LINGO2: variants seen among roughly 807,000 people sequenced by gnomAD.
The protein encoded by LINGO2 is leucine rich repeat and Ig domain containing 2.
Under a neutral mutation model 30.6 loss-of-function variants are expected in LINGO2, and 14 were observed. The observed-to-expected ratio is 0.46, with a 90% CI of 0.30 to 0.72. The LOEUF is 0.72. Ranked by LOEUF, LINGO2 falls within the 30% of genes least tolerant of loss-of-function variation. The probability of loss-of-function intolerance (pLI) is 0.07; values close to 1 mark genes in which losing one functional copy is unlikely to be tolerated. For synonymous variants in LINGO2, 317 were observed against 288.5 expected (o/e 1.10, Z -1.00); for missense variants, 729 against 751.7 (o/e 0.97, Z 0.35).
the LINGO2 span, among the ~76,000 whole-genome samples, chr9:29,008,345 G>A: frequency 6.6e-6 from 1 of 152,104 alleles, no homozygotes; most frequent in Non-Finnish European, 1.5e-5. Context: ...ATTTGGGTTG[G>A]ATCCAAGTCT....
chr9:29,199,474 C>T, the LINGO2 span, among the ~76,000 whole-genome samples: 1 of 152,092 alleles, frequency 6.6e-6, no homozygotes, highest in Non-Finnish European at 1.5e-5. Context: ...TCAAGTCACA[C>T]TTCACCTTTA....
chr9:28,384,062 TATAA>T (rs1821468702), intron 2 of LINGO2, among the ~76,000 whole-genome samples: 2 of 152,012 alleles, frequency 1.3e-5, no homozygotes, highest in Non-Finnish European at 2.9e-5. Flanking sequence ...TGTGAACATC[TATAA>T]ATATTATATT....
chr9:28,253,216 G>A (rs1226090316), intron 4 of LINGO2, among the ~76,000 whole-genome samples: 1 of 152,090 alleles, frequency 6.6e-6, no homozygotes, highest in African/African-American at 2.4e-5. Context: ...TCTTTTATTA[G>A]AGTACAGTTT....
At chr9:28,415,800 C>A (rs1033819025) in intron 2 of LINGO2, among the ~76,000 whole-genome samples, 3 of 152,106 alleles carry the variant, frequency 2.0e-5, no homozygotes. Context: ...TCCTGTTTTA[C>A]AAGCAATTAT....
chr9:28,953,864 C>G, the LINGO2 span, among the ~76,000 whole-genome samples: 3 of 152,094 alleles, frequency 2.0e-5, no homozygotes, highest in Non-Finnish European at 4.4e-5. Context: ...AATCCACTGG[C>G]TATCTCTTAT....
chr9:28,054,018 C>G (rs1044134026), intron 4 of LINGO2, among the ~76,000 whole-genome samples: 8 of 151,688 alleles, frequency 5.3e-5, no homozygotes, highest in Non-Finnish European at 4.4e-5. Flanking sequence ...TGTATATATG[C>G]AATTCTGCAT....
intron 1 of LINGO2, among the ~76,000 whole-genome samples, chr9:28,595,796 G>C (rs1379802443): frequency 5.7e-4 from 86 of 152,204 alleles, no homozygotes; most frequent in Non-Finnish European, 2.9e-5. Context: ...GAGTTGTATT[G>C]TCACATTGCC....
At chr9:28,825,940 TATG>T in the LINGO2 span, among the ~76,000 whole-genome samples, 87 of 152,284 alleles carry the variant, frequency 5.7e-4, no homozygotes, top group African/African-American at 2.0e-3. Flanking sequence ...GACCAGTCCA[TATG>T]ATAATACCAT....
the LINGO2 span, among the ~76,000 whole-genome samples, chr9:29,145,735 A>C: frequency 6.6e-6 from 1 of 152,166 alleles, no homozygotes; most frequent in South Asian, 2.1e-4. Flanking sequence ...AGCATATGAA[A>C]GTGTAATGTA....
At chr9:28,463,735 T>C (rs1825179305) in intron 2 of LINGO2, among the ~76,000 whole-genome samples, 1 of 140,996 alleles carries the variant, frequency 7.1e-6, no homozygotes, top group Non-Finnish European at 1.5e-5. Flanking sequence ...TGAAGAGTTT[T>C]ATAATTCAAT....
chr9:28,921,634 G>A, the LINGO2 span, among the ~76,000 whole-genome samples: 3 of 152,112 alleles, frequency 2.0e-5, no homozygotes, highest in South Asian at 4.1e-4. Flanking sequence ...GGAGCAAGGA[G>A]GAAGAGAGAG....
chr9:29,191,502 C>T, the LINGO2 span, among the ~76,000 whole-genome samples: 1 of 151,824 alleles, frequency 6.6e-6, no homozygotes, highest in Non-Finnish European at 1.5e-5. Context: ...TTTTAAATAA[C>T]CATTCCTGTT....
intron 4 of LINGO2, among the ~76,000 whole-genome samples, chr9:28,213,588 G>T (rs1033887036): frequency 6.6e-6 from 1 of 151,116 alleles, no homozygotes; most frequent in Non-Finnish European, 1.5e-5. Flanking sequence ...AGAAGCAGAG[G>T]ACATTTGTAT....
the LINGO2 span, among the ~76,000 whole-genome samples, chr9:28,811,158 A>G: frequency 6.6e-6 from 1 of 152,058 alleles, no homozygotes; most frequent in African/African-American, 2.4e-5. Context: ...CATTATCTCA[A>G]TCCAATAATA....
chr9:28,221,901 A>G (rs1251734046), intron 4 of LINGO2, among the ~76,000 whole-genome samples: 1 of 152,178 alleles, frequency 6.6e-6, no homozygotes, highest in South Asian at 2.1e-4. Flanking sequence ...GTAAGTTAAT[A>G]TTTTAGCTAA....
At chr9:28,807,818 C>A in the LINGO2 span, among the ~76,000 whole-genome samples, 1 of 152,120 alleles carries the variant, frequency 6.6e-6, no homozygotes, top group South Asian at 2.1e-4. Flanking sequence ...CAATTTATTT[C>A]TCCTCCTAGA....
the LINGO2 span, among the ~76,000 whole-genome samples, chr9:28,774,634 G>T: frequency 1.3e-5 from 2 of 152,074 alleles, no homozygotes; most frequent in Non-Finnish European, 2.9e-5. Context: ...GGCACTAGAG[G>T]TCGCTAAAAC....
exon 6 of LINGO2, chr9:27,949,045 C>G (rs372106955): frequency 2.9e-5 from 46 of 1,613,886 alleles, no homozygotes; most frequent in Non-Finnish European, 3.6e-5. Flanking sequence ...GCTGTAGACA[C>G]CAGTATTGTT....
intron 1 of LINGO2, among the ~76,000 whole-genome samples, chr9:28,588,979 T>C (rs980520696): frequency 6.6e-6 from 1 of 152,102 alleles, no homozygotes; most frequent in African/African-American, 2.4e-5. Flanking sequence ...GTCTTAACTA[T>C]GCAAGGCTGG....
Sources: allele counts gnomAD v4.1 joint callset (sites outside exome capture counted in the v4.1 genomes callset), GRCh38; gene constraint gnomAD v4.1.1; transcripts MANE v1.5; gene names NCBI Gene and HGNC (gene_info 2026-07-23, HGNC 2026-07-21).